Variants in OSBPL1A observed in about 807,000 individuals in gnomAD.
The protein encoded by OSBPL1A is oxysterol binding protein like 1A.
In OSBPL1A, 80 loss-of-function variants were observed where a neutral mutation model predicts 137.1. That is an observed-to-expected ratio of 0.58 (90% CI 0.49 to 0.70). The LOEUF (loss-of-function observed/expected upper bound fraction) is 0.70, where lower values mean the gene tolerates loss of function less well. OSBPL1A is among the 30% of genes least tolerant of loss of function. The probability of loss-of-function intolerance (pLI) is 0.00; values close to 1 mark genes in which losing one functional copy is unlikely to be tolerated. For missense variants in OSBPL1A, 970 were observed against 1,129.4 expected (o/e 0.86, Z 2.02); for synonymous variants, 365 against 389.7 (o/e 0.94, Z 0.75).
chr18:24,163,088 A>T lies in OSBPL1A; in HGVS notation c.*91T>A. Reference sequence around the variant, plus strand: ...GAGTGTTTTTTCATTTTTTTTTTTAAAAGATAAGTAGAAACCAAGGGAAAA... The same window carrying T: ...GAGTGTTTTTTCATTTTTTTTTTTATAAGATAAGTAGAAACCAAGGGAAAA... On this transcript the variant is annotated 3_prime_UTR_variant, in exon 28 of 28. Coordinates refer to ENST00000319481, the MANE Select transcript of OSBPL1A (RefSeq NM_080597.4). The T allele has an allele frequency of 1.1e-6, 1 of 912,260 alleles. No homozygotes were observed. The highest frequency in any genetic ancestry group is 3.1e-5 in the Admixed American group (1 of 32,710). 56.5% of individuals were successfully genotyped at this position (912,260 alleles called of 1,614,324 possible). A position where few individuals can be genotyped will look rare whatever the true frequency, so the allele number is the denominator to read the frequency against.
chr18:24,232,339 C>G (rs2088308311), intron 16 of OSBPL1A, among the ~76,000 whole-genome samples: 1 of 152,176 alleles, frequency 6.6e-6, no homozygotes, highest in East Asian at 1.9e-4. Context: ...AGATTCTTGG[C>G]AGCAAGCAAC....
rs759453989 is a variant in OSBPL1A at position 24,317,395 on chromosome 18, T to G, written c.738A>C (p.Ser246=). The stretch of plus-strand genomic sequence containing the variant: ...AGAATAATCTCCAGCCAAAAAATCT[T>G]GAACTCTAAGGGAAAAATAACAAAG... The part of the protein sequence containing the change: ...KRYEGPLWKS[S]RFFGWRLFWV... The change falls in exon 10 of 28, where the codon TCA becomes TCC. Residue 246 remains serine, a synonymous_variant. Transcript: ENST00000319481. 1.9e-6 allele frequency: 3 copies of G among 1,613,056 alleles called. No individual in the cohort carries two copies. Among genetic ancestry groups the G allele is most frequent in the Non-Finnish European group, 2.5e-6 (3 of 1,179,344 alleles).
intron 4 of OSBPL1A, among the ~76,000 whole-genome samples, chr18:24,353,785 G>A (rs554674884): frequency 2.3e-4 from 35 of 152,092 alleles, no homozygotes; most frequent in African/African-American, 8.2e-4. Flanking sequence ...GGATGAAGCT[G>A]GAAACCATCA....
At chr18:24,326,172 C>T (rs1221364324) in intron 7 of OSBPL1A, among the ~76,000 whole-genome samples, 1 of 152,202 alleles carries the variant, frequency 6.6e-6, no homozygotes, top group East Asian at 1.9e-4. Context: ...GTTATATCCA[C>T]ATGAAGTACT....
chr18:24,308,677 A>G (rs1218564653), intron 13 of OSBPL1A, among the ~76,000 whole-genome samples: 1 of 152,170 alleles, frequency 6.6e-6, no homozygotes, highest in Non-Finnish European at 1.5e-5. Flanking sequence ...GAAATATTCT[A>G]TATCTTCGCT....
intron 4 of OSBPL1A, among the ~76,000 whole-genome samples, chr18:24,353,410 A>G (rs1039164799): frequency 1.3e-5 from 2 of 152,156 alleles, no homozygotes; most frequent in Non-Finnish European, 2.9e-5. Context: ...TTAAAAAGTC[A>G]GGAAACAACA....
intron 2 of OSBPL1A, among the ~76,000 whole-genome samples, chr18:24,376,009 G>T (rs758763351): frequency 3.3e-5 from 5 of 152,280 alleles, no homozygotes; most frequent in African/African-American, 1.2e-4. Flanking sequence ...GCAGACCTTC[G>T]CAGTGAGTGT....
chr18:24,327,106 TTTTTC>T (rs2090995494), intron 7 of OSBPL1A, among the ~76,000 whole-genome samples: 1 of 126,372 alleles, frequency 7.9e-6, no homozygotes, highest in South Asian at 2.3e-4. Flanking sequence ...GTTTTTTTCT[TTTTTC>T]TTTTTTTTTT....
chr18:24,383,795 T>C (rs531578741), intron 1 of OSBPL1A, among the ~76,000 whole-genome samples: 3 of 152,202 alleles, frequency 2.0e-5, no homozygotes, highest in Admixed American at 1.3e-4. Context: ...ACTTAAACAG[T>C]CCATTATAAT....
intron 21 of OSBPL1A, among the ~76,000 whole-genome samples, chr18:24,175,329 G>A (rs1038465481): frequency 6.6e-6 from 1 of 151,140 alleles, no homozygotes; most frequent in Non-Finnish European, 1.5e-5. Context: ...GGGACTATAG[G>A]TGCATGTCAC....
intron 16 of OSBPL1A, among the ~76,000 whole-genome samples, chr18:24,231,894 C>A (rs2088294457): frequency 6.6e-6 from 1 of 152,154 alleles, no homozygotes; most frequent in Admixed American, 6.5e-5. Context: ...CTGATAAGCA[C>A]TTTTTTATCC....
At chr18:24,249,228 T>C (rs1185974675) in intron 15 of OSBPL1A, among the ~76,000 whole-genome samples, 1 of 152,266 alleles carries the variant, frequency 6.6e-6, no homozygotes, top group Non-Finnish European at 1.5e-5. Context: ...TAGAGGATTA[T>C]ATTCCTAAAA....
In OSBPL1A at chr18:24,166,719, G is replaced by A. The variant is rs768009308; in HGVS notation, c.2536-17C>T. ...ATTATACATCTGAAAAGAAGCAAAA[G>A]GAAGAAATTAAAATATGCCAAGGCA... On this transcript the variant is annotated splice_polypyrimidine_tract_variant and intron_variant, in intron 25 of 27. Transcript: ENST00000319481. 20 of 1,600,802 alleles carry A rather than the reference G, an allele frequency of 1.2e-5. No homozygotes were observed. Among genetic ancestry groups the A allele is most frequent in the African/African-American group, 2.7e-5 (2 of 73,876 alleles).
At position 24,318,778 on chromosome 18, in the gene OSBPL1A, A is replaced by C. The variant is rs2090787567; in HGVS notation, c.657T>G (p.Ala219=). 5 of 1,613,526 alleles carry C rather than the reference A, an allele frequency of 3.1e-6. No homozygotes were observed. The highest frequency in any genetic ancestry group is 4.2e-6 in the Non-Finnish European group (5 of 1,179,964). Residue 219 remains alanine, a synonymous_variant, in exon 8 of 28, where the codon GCT becomes GCG. Transcript: ENST00000319481. The part of the protein sequence containing the change: ...DQKPLDLAQG[A]EMKHILVGNK... ...TACCAACAAGAATGTGTTTCATTTC[A>C]GCACCCTGGGCAAGGTCAAGAGGTT...
At chr18:24,168,446 T>A (rs1322599110) in intron 24 of OSBPL1A, among the ~76,000 whole-genome samples, 1 of 152,172 alleles carries the variant, frequency 6.6e-6, no homozygotes, top group Admixed American at 6.5e-5. Context: ...AATTTTTCAT[T>A]AGATGAAATA....
intron 11 of OSBPL1A, among the ~76,000 whole-genome samples, chr18:24,314,961 G>A (rs1373991136): frequency 5.3e-5 from 8 of 152,108 alleles, no homozygotes; most frequent in South Asian, 2.1e-4. Flanking sequence ...AGGCATAAAT[G>A]GGTTAAGAAT....
At chr18:24,226,420 CATT>C (rs746288868) in intron 16 of OSBPL1A, among the ~76,000 whole-genome samples, 1 of 152,258 alleles carries the variant, frequency 6.6e-6, no homozygotes. Flanking sequence ...CTGAGTTTTT[CATT>C]AAAATGGAAA....
chr18:24,164,818 T>A (rs1241175234), intron 27 of OSBPL1A, among the ~76,000 whole-genome samples: 1 of 152,224 alleles, frequency 6.6e-6, no homozygotes, highest in Non-Finnish European at 1.5e-5. Context: ...ATCAAAGGGA[T>A]ACCTGCATCC....
At chr18:24,182,913 G>T (rs1295260900) in intron 18 of OSBPL1A, among the ~76,000 whole-genome samples, 1 of 151,684 alleles carries the variant, frequency 6.6e-6, no homozygotes, top group Non-Finnish European at 1.5e-5. Context: ...CTGTCACCCA[G>T]GCTGGAGTAC....
Sources: gnomAD v4.1 joint callset for allele counts (sites outside exome capture counted in the v4.1 genomes callset) on GRCh38, gnomAD v4.1.1 for gene constraint, MANE v1.5 for transcripts, NCBI Gene and HGNC (gene_info 2026-07-23, HGNC 2026-07-21) for gene names.